Variants in RPS6KC1 observed in about 807,000 individuals in gnomAD.
RPS6KC1 encodes the protein inactive ribosomal protein S6 kinase delta-1.
Under a neutral mutation model 103.8 loss-of-function variants are expected in RPS6KC1, and 54 were observed. That is an observed-to-expected ratio of 0.52 (90% CI 0.42 to 0.65). The LOEUF (loss-of-function observed/expected upper bound fraction) is 0.65, where lower values mean the gene tolerates loss of function less well. Ranked by LOEUF, RPS6KC1 falls within the 30% of genes least tolerant of loss-of-function variation. RPS6KC1 has a pLI of 0.00. For synonymous variants in RPS6KC1, 439 were observed against 438.7 expected (o/e 1.00, Z -0.01); for missense variants, 1,151 against 1,253.8 (o/e 0.92, Z 1.24).
chr1:213,388,089 T>C, the RPS6KC1 span, among the ~76,000 whole-genome samples: 4 of 152,246 alleles, frequency 2.6e-5, no homozygotes, highest in African/African-American at 4.8e-5. Context: ...TTTTGGGCAT[T>C]CTCCTTCCTC....
At chr1:213,741,831 A>G in the RPS6KC1 span, among the ~76,000 whole-genome samples, 3 of 152,092 alleles carry the variant, frequency 2.0e-5, no homozygotes, top group South Asian at 6.2e-4. Context: ...CCCGATGCAG[A>G]GCTGGGGTGA....
At chr1:213,214,057 A>G (rs1158036843) in intron 8 of RPS6KC1, among the ~76,000 whole-genome samples, 2 of 152,182 alleles carry the variant, frequency 1.3e-5, no homozygotes, top group East Asian at 1.9e-4. Flanking sequence ...CGCACCGAGC[A>G]TGAGCCGAAG....
chr1:213,682,814 A>T, the RPS6KC1 span, among the ~76,000 whole-genome samples: 1 of 152,236 alleles, frequency 6.6e-6, no homozygotes, highest in Non-Finnish European at 1.5e-5. Context: ...AGCATCACCC[A>T]GGATAACCAC....
At chr1:213,514,077 A>C in the RPS6KC1 span, among the ~76,000 whole-genome samples, 1 of 152,196 alleles carries the variant, frequency 6.6e-6, no homozygotes, top group African/African-American at 2.4e-5. Context: ...TGCCTTTGAC[A>C]TTTCCTGGTT....
chr1:213,104,365 G>A, intron 3 of RPS6KC1, 89 bp from the exon 4 acceptor site: 1 of 784,340 alleles, frequency 1.3e-6, no homozygotes, highest in South Asian at 1.8e-5. Flanking sequence ...TGATAGGCCT[G>A]CTGCTGCTTT....
the RPS6KC1 span, among the ~76,000 whole-genome samples, chr1:213,719,160 G>A: frequency 6.6e-6 from 1 of 152,218 alleles, no homozygotes; most frequent in Non-Finnish European, 1.5e-5. Context: ...AAACTGGCAG[G>A]AGCCAAGTCC....
At chr1:213,415,990 G>C in the RPS6KC1 span, among the ~76,000 whole-genome samples, 3 of 152,214 alleles carry the variant, frequency 2.0e-5, no homozygotes, top group Non-Finnish European at 4.4e-5. Context: ...GAGAAGCTCT[G>C]GAAAGGAGAA....
At chr1:213,291,562 G>C in the RPS6KC1 span, among the ~76,000 whole-genome samples, 1 of 152,194 alleles carries the variant, frequency 6.6e-6, no homozygotes, top group African/African-American at 2.4e-5. Context: ...GTGCTTTTCT[G>C]TCAGGTAAAG....
At chr1:213,098,072 G>A (rs1276009137) in intron 3 of RPS6KC1, among the ~76,000 whole-genome samples, 1 of 151,996 alleles carries the variant, frequency 6.6e-6, no homozygotes, top group Non-Finnish European at 1.5e-5. Flanking sequence ...TTGTATTCAC[G>A]ACTTGGCTAA....
the RPS6KC1 span, among the ~76,000 whole-genome samples, chr1:213,372,045 G>T: frequency 1.3e-5 from 2 of 152,334 alleles, no homozygotes; most frequent in Non-Finnish European, 2.9e-5. Context: ...ACTGCAAAAT[G>T]GAGTCCTGCC....
chr1:213,182,302 G>A (rs933873378), intron 8 of RPS6KC1, among the ~76,000 whole-genome samples: 4 of 152,234 alleles, frequency 2.6e-5, no homozygotes, highest in Admixed American at 6.5e-5. Context: ...GACCAGCCTG[G>A]CCAACATGGT....
chr1:213,051,629 T>C lies in RPS6KC1; in HGVS notation c.105+120T>C, dbSNP rs569022884. 1.9e-4 allele frequency: 134 copies of C among 699,626 alleles called. No individual in the cohort carries two copies. In the South Asian group the frequency reaches 2.3e-3, roughly 12 times the overall value. The allele number at this position is 699,626 out of a possible 1,614,324, so 43.3% of individuals were successfully genotyped here. A position where few individuals can be genotyped will look rare whatever the true frequency, so the allele number is the denominator to read the frequency against. The stretch of plus-strand genomic sequence containing the variant: ...AGCCGAGGGTGGGACTGGGTGCTGC[T>C]CCTACTGGCGGGACTTGGGTGTCGG... On this transcript the variant is annotated intron_variant, in intron 1 of 14. Transcript: ENST00000366960.
the RPS6KC1 span, among the ~76,000 whole-genome samples, chr1:213,570,629 G>C: frequency 6.6e-6 from 1 of 152,174 alleles, no homozygotes; most frequent in Non-Finnish European, 1.5e-5. Context: ...AGGACCTCTG[G>C]GTCATTGGGT....
At chr1:213,704,385 C>CAAAA in the RPS6KC1 span, among the ~76,000 whole-genome samples, 2 of 27,654 alleles carry the variant, frequency 7.2e-5, no homozygotes, top group Admixed American at 4.6e-4. Context: ...GACTCCGTCT[C>CAAAA]AAAAAAAAAA....
chr1:213,514,833 T>C, the RPS6KC1 span, among the ~76,000 whole-genome samples: 4 of 152,224 alleles, frequency 2.6e-5, no homozygotes, highest in Non-Finnish European at 5.9e-5. Context: ...TGAAGTAGTT[T>C]ACAGTCCCAC....
the RPS6KC1 span, among the ~76,000 whole-genome samples, chr1:213,397,113 G>A: frequency 7.2e-5 from 11 of 152,136 alleles, no homozygotes; most frequent in Non-Finnish European, 1.6e-4. Context: ...AGATATTGAT[G>A]CTACTAAATG....
chr1:213,229,193 G>C (rs1365888637), intron 8 of RPS6KC1, among the ~76,000 whole-genome samples: 1 of 152,010 alleles, frequency 6.6e-6, no homozygotes, highest in Non-Finnish European at 1.5e-5. Context: ...AGAAGACAAA[G>C]ATGAAGTTGT....
chr1:213,841,204 T>A, the RPS6KC1 span: 1 of 152,196 alleles, frequency 6.6e-6, no homozygotes, highest in Non-Finnish European at 1.5e-5. Context: ...GATGATTGCA[T>A]CAACAATAAG....
At chr1:213,468,619 CA>C in the RPS6KC1 span, among the ~76,000 whole-genome samples, 1 of 152,206 alleles carries the variant, frequency 6.6e-6, no homozygotes, top group Non-Finnish European at 1.5e-5. Context: ...CCATGAAGAA[CA>C]TCTGTCTGAG....
Sources: gnomAD v4.1 joint callset for allele counts (sites outside exome capture counted in the v4.1 genomes callset) on GRCh38, gnomAD v4.1.1 for gene constraint, MANE v1.5 for transcripts, NCBI Gene and HGNC (gene_info 2026-07-23, HGNC 2026-07-21) for gene names.